Variants in CAMK4 observed in about 807,000 individuals in gnomAD.
CAMK4 encodes calcium/calmodulin-dependent protein kinase type IV.
Under a neutral mutation model 44.9 loss-of-function variants are expected in CAMK4, and 22 were observed. The ratio of observed to expected loss-of-function variants is 0.49; its 90% CI spans 0.35 to 0.70. CAMK4 has a LOEUF of 0.70. Among genes scored for constraint, CAMK4 ranks in the 30% least tolerant of loss-of-function variants. CAMK4 has a pLI of 0.01. For missense variants in CAMK4, 498 were observed against 586.8 expected (o/e 0.85, Z 1.56); for synonymous variants, 218 against 215.4 (o/e 1.01, Z -0.11).
At chr5:111,373,831 A>T (rs563760183) in intron 2 of CAMK4, among the ~76,000 whole-genome samples, 1 of 152,288 alleles carries the variant, frequency 6.6e-6, no homozygotes, top group Admixed American at 6.5e-5. Context: ...TGCAGGTATC[A>T]TATCTATCGA....
chr5:111,326,189 A>C (rs1325262182), intron 1 of CAMK4, among the ~76,000 whole-genome samples: 1 of 151,924 alleles, frequency 6.6e-6, no homozygotes, highest in Non-Finnish European at 1.5e-5. Context: ...TGACATGATT[A>C]ATGAAATTTA....
At chr5:111,235,842 G>A (rs76676917) in intron 1 of CAMK4, among the ~76,000 whole-genome samples, 4 of 152,128 alleles carry the variant, frequency 2.6e-5, no homozygotes, top group African/African-American at 9.7e-5. Context: ...AGTGATCCTC[G>A]GGGAGCCACC....
intron 5 of CAMK4, among the ~76,000 whole-genome samples, chr5:111,427,978 C>T (rs1176044579): frequency 6.6e-6 from 1 of 152,230 alleles, no homozygotes; most frequent in Non-Finnish European, 1.5e-5. Flanking sequence ...CACAGTCATA[C>T]CAGTGGTGGC....
At chr5:111,450,535 C>T (rs1188168549) in intron 7 of CAMK4, among the ~76,000 whole-genome samples, 6 of 142,766 alleles carry the variant, frequency 4.2e-5, no homozygotes. Context: ...TGCCTATAAT[C>T]CCAGCACTTT....
intron 9 of CAMK4, 53 bp downstream of exon 9, chr5:111,478,560 T>A: frequency 1.0e-6 from 1 of 998,400 alleles, no homozygotes; most frequent in Non-Finnish European, 1.4e-6. Context: ...TATTTTTAAC[T>A]AATTAATGGG....
At chr5:111,375,369 A>C (rs1379145316) in intron 3 of CAMK4, among the ~76,000 whole-genome samples, 1 of 152,198 alleles carries the variant, frequency 6.6e-6, no homozygotes, top group East Asian at 1.9e-4. Flanking sequence ...GAATGCAGAA[A>C]ATAAAATGTC....
At chr5:111,376,436 C>G (rs115761023) in intron 3 of CAMK4, among the ~76,000 whole-genome samples, 7 of 152,002 alleles carry the variant, frequency 4.6e-5, no homozygotes, top group Admixed American at 1.3e-4. Context: ...CCTACCCTGC[C>G]GCAGACCCCT....
At chr5:111,335,738 G>C (rs1315173711) in intron 1 of CAMK4, among the ~76,000 whole-genome samples, 1 of 151,210 alleles carries the variant, frequency 6.6e-6, no homozygotes, top group Non-Finnish European at 1.5e-5. Context: ...TGCAGTGCCA[G>C]GTATCAACAT....
chr5:111,469,441 T>C (rs1057128057), intron 7 of CAMK4, among the ~76,000 whole-genome samples: 1 of 152,076 alleles, frequency 6.6e-6, no homozygotes, highest in Non-Finnish European at 1.5e-5. Context: ...CACAAAGAAA[T>C]AAATTGCCTT....
At chr5:111,328,389 T>C (rs961847442) in intron 1 of CAMK4, among the ~76,000 whole-genome samples, 19 of 151,802 alleles carry the variant, frequency 1.3e-4, no homozygotes, top group African/African-American at 3.9e-4. Flanking sequence ...TTGGTACCAG[T>C]ACCTTGCTGT....
chr5:111,280,528 G>A (rs1176924890), intron 1 of CAMK4, among the ~76,000 whole-genome samples: 1 of 152,164 alleles, frequency 6.6e-6, no homozygotes, highest in African/African-American at 2.4e-5. Flanking sequence ...TAAAATATAT[G>A]CAGATGATAA....
chr5:111,374,519 TAAGA>T (rs1221417798), intron 2 of CAMK4, among the ~76,000 whole-genome samples: 2 of 152,028 alleles, frequency 1.3e-5, no homozygotes, highest in Admixed American at 6.6e-5. Context: ...GACTTCCATA[TAAGA>T]AAGGAAGACA....
At position 111,485,228 on chromosome 5, in the gene CAMK4, G is replaced by C. The variant is rs1755573125; in HGVS notation, c.*762G>C. On this transcript the variant is annotated 3_prime_UTR_variant, in exon 11 of 11. Transcript: ENST00000282356. ...ATAAGATGACTTTCTGATAGACAAA[G>C]CTTAGGGTGTAATAAACAGGGAAGA... 1 of 152,124 alleles carries C rather than the reference G, an allele frequency of 6.6e-6. No individual in the cohort carries two copies. The highest frequency in any genetic ancestry group is 2.4e-5 in the African/African-American group (1 of 41,414). 9.4% of individuals were successfully genotyped at this position (152,124 alleles called of 1,614,324 possible).
At chr5:111,440,087 G>A (rs956824446) in intron 5 of CAMK4, among the ~76,000 whole-genome samples, 1 of 152,190 alleles carries the variant, frequency 6.6e-6, no homozygotes, top group African/African-American at 2.4e-5. Flanking sequence ...GAGAGAATAT[G>A]GAGGTAGTGG....
chr5:111,345,516 C>T (rs986323398), intron 2 of CAMK4, among the ~76,000 whole-genome samples: 4 of 151,914 alleles, frequency 2.6e-5, no homozygotes, highest in Admixed American at 1.3e-4. Context: ...GCAGTAGTCA[C>T]ACACAAGATG....
At position 111,485,869 on chromosome 5, in the gene CAMK4, A is replaced by T. The variant is rs1167271611; in HGVS notation, c.*1403A>T. 6.6e-6 allele frequency: 1 copy of T among 152,190 alleles called. No homozygotes were observed. Among genetic ancestry groups the T allele is most frequent in the Admixed American group, 6.5e-5 (1 of 15,276 alleles). 9.4% of individuals were successfully genotyped at this position (152,190 alleles called of 1,614,324 possible). ...CCTTATAGAAATTGCACTATCTCCA[A>T]TTTATTTCTAGTTTGAGTTGAAATG... On this transcript the variant is annotated 3_prime_UTR_variant, in exon 11 of 11. Coordinates refer to ENST00000282356, the MANE Select transcript of CAMK4 (RefSeq NM_001744.6).
intron 7 of CAMK4, among the ~76,000 whole-genome samples, chr5:111,453,798 T>G (rs918102316): frequency 6.6e-6 from 1 of 152,168 alleles, no homozygotes; most frequent in Non-Finnish European, 1.5e-5. Context: ...TGGGGTATTT[T>G]CTTGGGAAAG....
At chr5:111,420,966 A>T (rs1166207459) in intron 5 of CAMK4, among the ~76,000 whole-genome samples, 1 of 151,250 alleles carries the variant, frequency 6.6e-6, no homozygotes, top group Non-Finnish European at 1.5e-5. Context: ...AGCCGATGGG[A>T]TTAAGAGATT....
intron 1 of CAMK4, among the ~76,000 whole-genome samples, chr5:111,295,888 G>T (rs1747464397): frequency 6.6e-6 from 1 of 152,194 alleles, no homozygotes; most frequent in South Asian, 2.1e-4. Flanking sequence ...AAAAATTGGA[G>T]TTTGGGATAA....
Sources: gnomAD v4.1 joint callset for allele counts (sites outside exome capture counted in the v4.1 genomes callset) on GRCh38, gnomAD v4.1.1 for gene constraint, MANE v1.5 for transcripts, NCBI Gene and HGNC (gene_info 2026-07-23, HGNC 2026-07-21) for gene names.